MYLK4: variants seen among roughly 807,000 people sequenced by gnomAD.
The protein encoded by MYLK4 is caMLCK like.
MYLK4 carries 46 observed loss-of-function variants against 48.1 expected under a neutral mutation model. The ratio of observed to expected loss-of-function variants is 0.96; its 90% CI spans 0.75 to 1.22. The LOEUF (loss-of-function observed/expected upper bound fraction) is 1.22. Among genes scored for constraint, MYLK4 ranks in the 50% most tolerant of loss-of-function variants. MYLK4 has a pLI of 0.00. For missense variants in MYLK4, 451 were observed against 486.1 expected, an observed-to-expected ratio of 0.93 and a Z score of 0.68; for synonymous variants, 170 against 180.8, an observed-to-expected ratio of 0.94 and a Z score of 0.48.
the MYLK4 span, chr6:2,770,115 A>AT: frequency 1.4e-5 from 23 of 1,614,036 alleles, no homozygotes; most frequent in Non-Finnish European, 1.9e-5. Flanking sequence ...TCCTCCCATG[A>AT]TTAGGACACT....
In MYLK4 at chr6:2,685,616, G is replaced by T; in HGVS notation, c.342-40C>A. The T allele has an allele frequency of 6.3e-7, 1 of 1,593,056 alleles. No individual in the cohort carries two copies. Among genetic ancestry groups the T allele is most frequent in the Non-Finnish European group, 8.6e-7 (1 of 1,162,050 alleles). ...AAGCGGCGTAGCATGAGGCCCTGTG[G>T]TCAGCTGCCGAGTGGACAGCGCACA... On this transcript the variant is annotated intron_variant, in intron 4 of 12. Transcript: ENST00000274643. The surrounding 1 kb of genome is among the most constrained non-coding windows in gnomAD (Gnocchi z 4.5).
At chr6:2,733,386 T>A (rs1763547332) in intron 2 of MYLK4, among the ~76,000 whole-genome samples, 3 of 152,190 alleles carry the variant, frequency 2.0e-5, no homozygotes, top group African/African-American at 7.2e-5. Flanking sequence ...TGTGAATTCA[T>A]AATCCCCAGA....
chr6:2,769,640 A>T, the MYLK4 span, among the ~76,000 whole-genome samples: 1 of 152,208 alleles, frequency 6.6e-6, no homozygotes, highest in Non-Finnish European at 1.5e-5. Flanking sequence ...ATATTGGACC[A>T]CTGACTCATC....
At chr6:2,717,336 A>G (rs1561861810) in intron 2 of MYLK4, among the ~76,000 whole-genome samples, 2 of 2,314 alleles carry the variant, frequency 8.6e-4, no homozygotes, top group Non-Finnish European at 0.023. Flanking sequence ...TAGTATAAAA[A>G]ATGAAAATCT....
intron 2 of MYLK4, among the ~76,000 whole-genome samples, chr6:2,709,203 T>C (rs9503264): frequency 0.03 from 4,511 of 152,288 alleles, 222 homozygotes; most frequent in African/African-American, 0.1. Flanking sequence ...CATTCCAAAA[T>C]TCGGTCTTTA....
intron 2 of MYLK4, among the ~76,000 whole-genome samples, chr6:2,734,677 G>A (rs747391789): frequency 5.9e-5 from 9 of 152,198 alleles, no homozygotes; most frequent in East Asian, 1.9e-4. Flanking sequence ...ATATGTGTGT[G>A]TATTTAAATG....
At chr6:2,676,385 G>C (rs1443113626) in intron 10 of MYLK4, among the ~76,000 whole-genome samples, 3 of 152,164 alleles carry the variant, frequency 2.0e-5, no homozygotes, top group Non-Finnish European at 4.4e-5. Flanking sequence ...TTGGAAGTGT[G>C]GTTCTGCTTA....
chr6:2,697,730 T>C (rs1762118001), intron 2 of MYLK4, among the ~76,000 whole-genome samples: 1 of 152,254 alleles, frequency 6.6e-6, no homozygotes, highest in African/African-American at 2.4e-5. Flanking sequence ...AGATAAGGGC[T>C]GCTCCTCTGG....
chr6:2,767,079 T>C, the MYLK4 span, among the ~76,000 whole-genome samples: 1 of 152,242 alleles, frequency 6.6e-6, no homozygotes, highest in Non-Finnish European at 1.5e-5. Context: ...TTCCGTAACT[T>C]TTCTCATAAT....
intron 2 of MYLK4, among the ~76,000 whole-genome samples, chr6:2,710,968 C>T (rs183755751): frequency 7.4e-4 from 112 of 152,226 alleles, no homozygotes; most frequent in African/African-American, 2.5e-3. Context: ...AAGTTTATTC[C>T]TTATAATAAC....
chr6:2,764,283 T>C, the MYLK4 span, among the ~76,000 whole-genome samples: 11 of 152,180 alleles, frequency 7.2e-5, no homozygotes, highest in Non-Finnish European at 1.6e-4. Context: ...CCAGGCGTGG[T>C]GGCTCAGCCT....
At chr6:2,705,563 C>T (rs1018266739) in intron 2 of MYLK4, among the ~76,000 whole-genome samples, 1 of 152,162 alleles carries the variant, frequency 6.6e-6, no homozygotes, top group African/African-American at 2.4e-5. Context: ...GAATAACAAT[C>T]TCTTATTCTC....
intron 6 of MYLK4, among the ~76,000 whole-genome samples, 162 bp from the exon 7 acceptor site, chr6:2,683,324 T>C (rs1012335584): frequency 7.9e-5 from 12 of 152,122 alleles, no homozygotes; most frequent in African/African-American, 2.9e-4. Flanking sequence ...ATTCTTATCT[T>C]GAAGGCCTGT....
At chr6:2,720,317 T>C (rs1763023930) in intron 2 of MYLK4, among the ~76,000 whole-genome samples, 2 of 151,946 alleles carry the variant, frequency 1.3e-5, no homozygotes, top group Admixed American at 1.3e-4. Flanking sequence ...GGCAGGAGAA[T>C]TGCTTGAACC....
the MYLK4 span, chr6:2,768,655 C>T: frequency 3.2e-6 from 5 of 1,549,200 alleles, no homozygotes; most frequent in African/African-American, 2.8e-5. Context: ...TGTGTCTTAC[C>T]AGCTTTTCAA....
Position 2,749,370 on chromosome 6 carries a change from G to A in MYLK4, c.-76C>T. ...CCTCTGTCTCCGATTTATAAATCAG[G>A]ACACAATTATGACTCTTCAGTGCTT... On this transcript the variant is annotated 5_prime_UTR_variant, in exon 2 of 13. Coordinates refer to ENST00000274643, the MANE Select transcript of MYLK4 (RefSeq NM_001012418.5). The A allele has an allele frequency of 8.1e-7, 1 of 1,233,908 alleles. No individual in the cohort carries two copies. Among genetic ancestry groups the A allele is most frequent in the Non-Finnish European group, 1.2e-6 (1 of 868,708 alleles). 76.4% of individuals were successfully genotyped at this position (1,233,908 alleles called of 1,614,324 possible).
chr6:2,734,125 C>T (rs150166404), intron 2 of MYLK4, among the ~76,000 whole-genome samples: 10 of 152,192 alleles, frequency 6.6e-5, no homozygotes, highest in African/African-American at 2.4e-4. Flanking sequence ...TGGTATTCAG[C>T]TGCTCCATGC....
At chr6:2,765,865 G>A in the MYLK4 span, 1 of 1,442,562 alleles carries the variant, frequency 6.9e-7, no homozygotes, top group Admixed American at 2.5e-5. Flanking sequence ...CGGCGCTGAA[G>A]CAGCCAGCCA....
chr6:2,728,209 T>C (rs551923621), intron 2 of MYLK4, among the ~76,000 whole-genome samples: 4 of 152,306 alleles, frequency 2.6e-5, no homozygotes, highest in South Asian at 2.1e-4. Flanking sequence ...GCATCAGACA[T>C]TGGGCAGCAA....
Sources: allele counts gnomAD v4.1 joint callset (sites outside exome capture counted in the v4.1 genomes callset), GRCh38; gene constraint gnomAD v4.1.1; non-coding constraint Gnocchi (gnomAD v3.1); transcripts MANE v1.5; gene names NCBI Gene and HGNC (gene_info 2026-07-23, HGNC 2026-07-21).